The following ZNF131 variants were observed in gnomAD, a reference collection of about 807,000 sequenced individuals.
ZNF131 encodes zinc finger protein 131.
In ZNF131, 7 loss-of-function variants were observed where a neutral mutation model predicts 60.0. That is an observed-to-expected ratio of 0.12 (90% CI 0.07 to 0.22). The LOEUF (loss-of-function observed/expected upper bound fraction) is 0.22, where lower values mean the gene tolerates loss of function less well. Ranked by LOEUF, ZNF131 falls within the 10% of genes least tolerant of loss-of-function variation. The pLI is 1.00. For synonymous variants in ZNF131, 257 were observed against 253.2 expected, an observed-to-expected ratio of 1.01 and a Z score of -0.14; for missense variants, 493 against 740.9, an observed-to-expected ratio of 0.67 and a Z score of 3.88.
At chr5:43,166,386 A>C (rs965360432) in intron 5 of ZNF131, among the ~76,000 whole-genome samples, 1 of 150,826 alleles carries the variant, frequency 6.6e-6, no homozygotes, top group Non-Finnish European at 1.5e-5. Context: ...TTGGAGACAG[A>C]GTCTTGCTCT....
At chr5:43,151,327 A>G (rs1401569210) in intron 4 of ZNF131, among the ~76,000 whole-genome samples, 1 of 152,206 alleles carries the variant, frequency 6.6e-6, no homozygotes, top group African/African-American at 2.4e-5. Flanking sequence ...TCTAACCAAG[A>G]GTATCCTTAA....
chr5:43,156,104 G>C (rs1748929776), intron 4 of ZNF131, among the ~76,000 whole-genome samples: 1 of 152,182 alleles, frequency 6.6e-6, no homozygotes, highest in African/African-American at 2.4e-5. Flanking sequence ...GGATGAAGAA[G>C]TATAAATGCA....
In ZNF131 at chr5:43,175,203, C is replaced by T. The variant is rs1751451098; in HGVS notation, c.*70C>T. 2.8e-6 allele frequency: 4 copies of T among 1,439,064 alleles called. No individual in the cohort carries two copies. The highest frequency in any genetic ancestry group is 1.4e-5 in the South Asian group (1 of 70,756). The allele number at this position is 1,439,064 out of a possible 1,614,324, so 89.1% of individuals were successfully genotyped here. On this transcript the variant is annotated 3_prime_UTR_variant, in exon 7 of 7. Transcript: ENST00000682664. Reference sequence around the variant, plus strand: ...AACTGATTATGGGCAGTTTGACTGTCCTTAATTAAGCCTAACAGACAAGTG... The same window carrying T: ...AACTGATTATGGGCAGTTTGACTGTTCTTAATTAAGCCTAACAGACAAGTG...
chr5:43,161,465 C>T lies in ZNF131; in HGVS notation c.588C>T (p.Ser196=), dbSNP rs560039859. The change falls in exon 5 of 7, where the codon TCC becomes TCT. Residue 196 remains serine, a synonymous_variant. Transcript: ENST00000682664. ...TLEEVASAKQ[S]VKYIQSTGSS... ...AGGAAGTGGCTTCTGCCAAGCAGTC[C>T]GTAAAGTACATACAGAGCACAGGTT... 19 of 1,614,200 alleles carry T rather than the reference C, an allele frequency of 1.2e-5. No individual in the cohort carries two copies. Among genetic ancestry groups the T allele is most frequent in the East Asian group, 6.7e-5 (3 of 44,880 alleles).
intron 3 of ZNF131, chr5:43,124,383 A>G (rs1021020139): frequency 2.6e-5 from 4 of 151,964 alleles, no homozygotes; most frequent in East Asian, 1.9e-4. Flanking sequence ...TTGTGTACGT[A>G]TTCTTTGTTC....
Position 43,161,735 on chromosome 5 carries a change from G to C in ZNF131, c.858G>C (p.Glu286Asp), listed in dbSNP as rs1387884775. The C allele has an allele frequency of 6.2e-7, 1 of 1,614,114 alleles. No homozygotes were observed. Among genetic ancestry groups the C allele is most frequent in the Non-Finnish European group, 8.5e-7 (1 of 1,180,050 alleles). ...FKEHMKSHST[E>D]SFKCEICNKR... ...AGCACATGAAATCACACTCCACTGA[G>C]AGTTTCAAGTGTGAAATATGCAATA... is the stretch of plus-strand genomic sequence containing the variant. Residue 286 changes from glutamate (E) to aspartate (D), a missense_variant, in exon 5 of 7, where the codon GAG (glutamate) becomes GAC (aspartate). This residue lies in a region of ZNF131 where 26 missense variants were observed against 63.3 expected (regional missense o/e 0.41). Transcript: ENST00000682664.
chr5:43,165,967 C>T (rs1750295700), intron 5 of ZNF131, among the ~76,000 whole-genome samples: 1 of 152,236 alleles, frequency 6.6e-6, no homozygotes, highest in African/African-American at 2.4e-5. Flanking sequence ...CTTCACATTG[C>T]ACTTTTATGT....
intron 5 of ZNF131, among the ~76,000 whole-genome samples, chr5:43,162,365 G>A (rs1032601980): frequency 6.6e-6 from 1 of 151,808 alleles, no homozygotes. Flanking sequence ...GCCGAGGCAG[G>A]CGGATCACCT....
chr5:43,136,406 A>T (rs949509206), intron 3 of ZNF131, among the ~76,000 whole-genome samples: 1 of 151,340 alleles, frequency 6.6e-6, no homozygotes, highest in African/African-American at 2.4e-5. Flanking sequence ...TCTAAAATTC[A>T]TATGGAACCA....
In ZNF131 at chr5:43,165,315, T is replaced by G. The variant is rs914368216; in HGVS notation, c.1054+3384T>G. Reference sequence around the variant, plus strand: ...TTCTTTTGAGACCTCTCTCTTTGGCTTGCAGATGGCTAACCTGTGTCCTTA... The same window carrying G: ...TTCTTTTGAGACCTCTCTCTTTGGCGTGCAGATGGCTAACCTGTGTCCTTA... On this transcript the variant is annotated intron_variant, in intron 5 of 6. Transcript: ENST00000682664. 1.0e-4 allele frequency among the ~76,000 whole-genome samples: 10 copies of G among 98,558 alleles called. No homozygotes were observed. The East Asian group carries it at 1.4e-3, about 14-fold the overall frequency. The allele number at this position is 98,558 out of a possible 152,430, so 64.7% of individuals were successfully genotyped here. A position where few individuals can be genotyped will look rare whatever the true frequency, so the allele number is the denominator to read the frequency against.
chr5:43,151,933 A>G (rs1038781868), intron 4 of ZNF131, among the ~76,000 whole-genome samples: 1 of 152,212 alleles, frequency 6.6e-6, no homozygotes, highest in African/African-American at 2.4e-5. Context: ...CAGTTCAATT[A>G]GAATGATTCA....
At chr5:43,138,564 ATC>A (rs1021657470) in intron 3 of ZNF131, among the ~76,000 whole-genome samples, 1 of 152,128 alleles carries the variant, frequency 6.6e-6, no homozygotes. Flanking sequence ...AGACAGGAGA[ATC>A]TCTTGAATCT....
intron 3 of ZNF131, among the ~76,000 whole-genome samples, chr5:43,134,685 C>CT (rs1745804833): frequency 1.1e-4 from 11 of 98,298 alleles, no homozygotes; most frequent in African/African-American, 3.8e-4. Flanking sequence ...AGTTGCTTTT[C>CT]TTTTTTTCTT....
At position 43,135,328 on chromosome 5, in the gene ZNF131, A is replaced by C. The variant is rs191147897; in HGVS notation, c.227-3837A>C. Among the ~76,000 whole-genome samples, 17 of 149,700 alleles carry C rather than the reference A, an allele frequency of 1.1e-4. No individual in the cohort carries two copies. The East Asian group carries it at 3.3e-3, about 29-fold the overall frequency. On this transcript the variant is annotated intron_variant, in intron 3 of 6. Transcript: ENST00000682664. Reference sequence around the variant, plus strand: ...CATTTTTATACACTAACAATGAACTATCTGGAAAGGAAATTAGGAGAACAA... The same window carrying C: ...CATTTTTATACACTAACAATGAACTCTCTGGAAAGGAAATTAGGAGAACAA...
chr5:43,133,773 T>C (rs577804333), intron 3 of ZNF131, among the ~76,000 whole-genome samples: 30 of 152,334 alleles, frequency 2.0e-4, no homozygotes, highest in African/African-American at 7.0e-4. Context: ...AGGATATTAA[T>C]AACTCCCACA....
chr5:43,168,157 C>G, intron 5 of ZNF131: 1 of 258,240 alleles, frequency 3.9e-6, no homozygotes, highest in Non-Finnish European at 7.8e-6. Flanking sequence ...AGGGCAGAGC[C>G]CTCATGATCC....
chr5:43,165,463 A>G (rs1467480465), intron 5 of ZNF131, among the ~76,000 whole-genome samples: 1 of 152,216 alleles, frequency 6.6e-6, no homozygotes, highest in African/African-American at 2.4e-5. Flanking sequence ...TTGCAGACTG[A>G]AAACAATATT....
intron 4 of ZNF131, among the ~76,000 whole-genome samples, chr5:43,154,469 G>A (rs764297234): frequency 6.6e-6 from 1 of 151,952 alleles, no homozygotes; most frequent in South Asian, 2.1e-4. Flanking sequence ...ACCACTGATA[G>A]CCCTGCAGTG....
In ZNF131 at chr5:43,140,569, A is replaced by G. The variant is rs1482383134; in HGVS notation, c.371+1260A>G. ...CTATTATCTCCTGGTACTGTTTTTT[A>G]TGTTTCTCAATACAGATCATTGGCC... is the stretch of plus-strand genomic sequence containing the variant. On this transcript the variant is annotated intron_variant, in intron 4 of 6. Transcript: ENST00000682664. Among the ~76,000 whole-genome samples the G allele has an allele frequency of 2.0e-5, 3 of 152,216 alleles. No individual in the cohort carries two copies. The East Asian group carries it at 5.8e-4, about 29-fold the overall frequency.
Sources: gnomAD v4.1 joint callset for allele counts (sites outside exome capture counted in the v4.1 genomes callset) on GRCh38, gnomAD v4.1.1 for gene constraint, gnomAD v4.1.1 regional missense constraint, MANE v1.5 for transcripts, NCBI Gene and HGNC (gene_info 2026-07-23, HGNC 2026-07-21) for gene names.